RFTN1: variants seen among roughly 807,000 people sequenced by gnomAD.
RFTN1 encodes the protein raftlin.
RFTN1 carries 26 observed loss-of-function variants against 46.5 expected under a neutral mutation model. The observed-to-expected ratio is 0.56, with a 90% CI of 0.41 to 0.78. The LOEUF is 0.78. Ranked by LOEUF, RFTN1 falls within the 30% of genes least tolerant of loss-of-function variation. RFTN1 has a pLI of 0.00. For missense variants in RFTN1, 693 were observed against 718.7 expected (o/e 0.96, Z 0.41); for synonymous variants, 261 against 284.2 (o/e 0.92, Z 0.82).
intron 1 of RFTN1, among the ~76,000 whole-genome samples, chr3:16,496,709 G>A (rs1038046095): frequency 2.0e-5 from 3 of 152,098 alleles, no homozygotes; most frequent in Admixed American, 6.6e-5. Context: ...CCTGTGACCC[G>A]GAAATTCCTC....
In RFTN1 at chr3:16,342,620, A is replaced by G. The variant is rs1409023121; in HGVS notation, c.1146+15312T>C. Among the ~76,000 whole-genome samples, 1 of 152,002 alleles carries G rather than the reference A, an allele frequency of 6.6e-6. No individual in the cohort carries two copies. Among genetic ancestry groups the G allele is most frequent in the African/African-American group, 2.4e-5 (1 of 41,238 alleles). On this transcript the variant is annotated intron_variant, in intron 7 of 9. Coordinates refer to ENST00000334133, the MANE Select transcript of RFTN1 (RefSeq NM_015150.2). This position sits in a 1 kb window ranked among gnomAD's most constrained non-coding sequence, Gnocchi z 4.0. The stretch of plus-strand genomic sequence containing the variant: ...GTGTCCATGGATCACTTTTATAAAA[A>G]TAAAAAAAGTTATAAGAATGAAAGC...
chr3:16,447,484 A>G lies in RFTN1; in HGVS notation c.146-13447T>C, dbSNP rs1051692631. 6.6e-6 allele frequency among the ~76,000 whole-genome samples: 1 copy of G among 152,180 alleles called. No individual in the cohort carries two copies. Among genetic ancestry groups the G allele is most frequent in the Non-Finnish European group, 1.5e-5 (1 of 68,020 alleles). ...GCACTCTCTGGTCTATTTTTTGCCT[A>G]TGTAAGAGATGGCATTTAGGATGCC... On this transcript the variant is annotated intron_variant, in intron 2 of 9. Coordinates refer to ENST00000334133, the MANE Select transcript of RFTN1 (RefSeq NM_015150.2). This position sits in a 1 kb window ranked among gnomAD's most constrained non-coding sequence, Gnocchi z 5.9.
At chr3:16,493,260 C>T (rs2076570273) in intron 2 of RFTN1, among the ~76,000 whole-genome samples, 1 of 149,476 alleles carries the variant, frequency 6.7e-6, no homozygotes, top group Non-Finnish European at 1.5e-5. Flanking sequence ...GAGACAGAGT[C>T]TCGCTCTCTC....
intron 3 of RFTN1, among the ~76,000 whole-genome samples, chr3:16,415,872 T>C (rs1008994819): frequency 5.9e-5 from 9 of 152,146 alleles, no homozygotes; most frequent in African/African-American, 1.7e-4. Flanking sequence ...ATCCACCCTA[T>C]GCAAATAGGT....
At position 16,361,384 on chromosome 3, in the gene RFTN1, A is replaced by G. The variant is rs148405761; in HGVS notation, c.1031-3337T>C. On this transcript the variant is annotated intron_variant, in intron 6 of 9. Transcript: ENST00000334133. The surrounding 1 kb of genome is among the most constrained non-coding windows in gnomAD (Gnocchi z 4.3). ...TAAAGTCCCTGCCTACATGAAGCTT[A>G]CCTTGCAGTGGAGGAGGAAGACAAT... 1.6e-3 allele frequency among the ~76,000 whole-genome samples: 239 copies of G among 152,328 alleles called. No homozygotes were observed. Among genetic ancestry groups the G allele is most frequent in the Middle Eastern group, 0.01 (3 of 294 alleles).
chr3:16,364,677 A>T (rs142309169), intron 6 of RFTN1, among the ~76,000 whole-genome samples: 26 of 152,276 alleles, frequency 1.7e-4, no homozygotes, highest in Admixed American at 7.8e-4. Context: ...AATAAATAAA[A>T]ATATGCTTGT....
rs1192460529 is a variant in RFTN1, at chr3:16,507,212, G to A, written c.-9+6230C>T. Among the ~76,000 whole-genome samples the A allele has an allele frequency of 2.0e-5, 3 of 152,080 alleles. No individual in the cohort carries two copies. Among genetic ancestry groups the A allele is most frequent in the South Asian group, 4.2e-4 (2 of 4,818 alleles). On this transcript the variant is annotated intron_variant, in intron 1 of 9. Transcript: ENST00000334133. The surrounding 1 kb of genome is among the most constrained non-coding windows in gnomAD (Gnocchi z 7.1). ...AGAAAGAGCAGTATAAATATTAACCGTTTTAGTACTCTACTGGGATTACTT... is the reference window on the plus strand; with the variant it reads ...AGAAAGAGCAGTATAAATATTAACCATTTTAGTACTCTACTGGGATTACTT...
At chr3:16,494,140 A>G (rs111270588) in intron 1 of RFTN1, among the ~76,000 whole-genome samples, 14 of 152,320 alleles carry the variant, frequency 9.2e-5, no homozygotes, top group African/African-American at 3.4e-4. Flanking sequence ...CCTGTTTTAT[A>G]TCTTTTTTCC....
At chr3:16,417,353 C>A (rs902182373) in intron 3 of RFTN1, among the ~76,000 whole-genome samples, 1 of 152,084 alleles carries the variant, frequency 6.6e-6, no homozygotes, top group Non-Finnish European at 1.5e-5. Flanking sequence ...CACCTTATAT[C>A]TAGAACTTGG....
rs1436523961 is a variant in RFTN1, at chr3:16,341,163, C to T, written c.1147-14287G>A. ...CCAAAACACTGACAATACTTAATGC[C>T]GGTGAGGATGTGGAACAACAGCAAC... On this transcript the variant is annotated intron_variant, in intron 7 of 9. Transcript: ENST00000334133. This position sits in a 1 kb window ranked among gnomAD's most constrained non-coding sequence, Gnocchi z 4.7. Among the ~76,000 whole-genome samples, 1 of 152,144 alleles carries T rather than the reference C, an allele frequency of 6.6e-6. No individual in the cohort carries two copies. The highest frequency in any genetic ancestry group is 1.5e-5 in the Non-Finnish European group (1 of 68,034).
At position 16,429,087 on chromosome 3, in the gene RFTN1, A is replaced by G. The variant is rs926659673; in HGVS notation, c.332+4764T>C. On this transcript the variant is annotated intron_variant, in intron 3 of 9. Transcript: ENST00000334133. This position sits in a 1 kb window ranked among gnomAD's most constrained non-coding sequence, Gnocchi z 6.4. ...TCTTGAGTCAAAGTAACTTGAGTCA[A>G]AGTAACTGACTTGACTAAATTCAAT... 6.6e-6 allele frequency among the ~76,000 whole-genome samples: 1 copy of G among 152,250 alleles called. No homozygotes were observed. The highest frequency in any genetic ancestry group is 2.4e-5 in the African/African-American group (1 of 41,472).
chr3:16,352,709 G>A lies in RFTN1; in HGVS notation c.1146+5223C>T, dbSNP rs577493950. ...GCAGTATGTAGTGAGGGCTTACTAT[G>A]TGCCCAGTCCTACATTCACAACTTT... On this transcript the variant is annotated intron_variant, in intron 7 of 9. Transcript: ENST00000334133. This position sits in a 1 kb window ranked among gnomAD's most constrained non-coding sequence, Gnocchi z 4.6. Among the ~76,000 whole-genome samples the A allele has an allele frequency of 6.6e-6, 1 of 152,324 alleles. No homozygotes were observed. Among genetic ancestry groups the A allele is most frequent in the South Asian group, 2.1e-4 (1 of 4,828 alleles).
In RFTN1 at chr3:16,460,856, C is replaced by A. The variant is rs112847477; in HGVS notation, c.146-26819G>T. Among the ~76,000 whole-genome samples, 5,037 of 152,302 alleles carry A rather than the reference C, an allele frequency of 0.033. 130 individuals carry two copies. The highest frequency in any genetic ancestry group is 0.061 in the Middle Eastern group (18 of 294). ...TGGCCCACTCTCTCCCACCTACCCA[C>A]CCCAGAATTTCTTACCCTTCATAAG... On this transcript the variant is annotated intron_variant, in intron 2 of 9. Transcript: ENST00000334133. This position sits in a 1 kb window ranked among gnomAD's most constrained non-coding sequence, Gnocchi z 4.8.
At position 16,334,542 on chromosome 3, in the gene RFTN1, C is replaced by T. The variant is rs2070665420; in HGVS notation, c.1147-7666G>A. On this transcript the variant is annotated intron_variant, in intron 7 of 9. Coordinates refer to ENST00000334133, the MANE Select transcript of RFTN1 (RefSeq NM_015150.2). This position sits in a 1 kb window ranked among gnomAD's most constrained non-coding sequence, Gnocchi z 4.3. ...GATTTGTATTTAACATTATGTTTCA[C>T]CCAGACAACAGCTCAGAGAACTGGG... Among the ~76,000 whole-genome samples, 1 of 152,164 alleles carries T rather than the reference C, an allele frequency of 6.6e-6. No homozygotes were observed. Among genetic ancestry groups the T allele is most frequent in the Admixed American group, 6.5e-5 (1 of 15,278 alleles).
chr3:16,434,856 C>A (rs537942186), intron 2 of RFTN1: 78 of 152,038 alleles, frequency 5.1e-4, no homozygotes, highest in African/African-American at 1.5e-3. Context: ...AATTTTTAAA[C>A]GGGAAAAATA....
In RFTN1 at chr3:16,452,282, TAATAGCTGTCAAGGTA is replaced by T. The variant is rs913243711; in HGVS notation, c.146-18261_146-18246del. Among the ~76,000 whole-genome samples the T allele has an allele frequency of 2.0e-5, 3 of 151,644 alleles. No homozygotes were observed. Among genetic ancestry groups the T allele is most frequent in the African/African-American group, 4.8e-5 (2 of 41,262 alleles). The stretch of plus-strand genomic sequence containing the variant: ...ATTCTAAAGAAAACTAAAAAAAAAA[TAATAGCTGTCAAGGTA>T]GATGAAGGTAAGGATATAATAGAAG... On this transcript the variant is annotated intron_variant, in intron 2 of 9. Coordinates refer to ENST00000334133, the MANE Select transcript of RFTN1 (RefSeq NM_015150.2). The surrounding 1 kb of genome is among the most constrained non-coding windows in gnomAD (Gnocchi z 6.3).
intron 4 of RFTN1, among the ~76,000 whole-genome samples, chr3:16,390,682 C>T (rs1228724620): frequency 5.3e-5 from 8 of 152,196 alleles, no homozygotes. Context: ...GTCACAGAGA[C>T]TCCTGTGCTT....
At chr3:16,510,589 C>T (rs1367860400) in intron 1 of RFTN1, among the ~76,000 whole-genome samples, 1 of 152,206 alleles carries the variant, frequency 6.6e-6, no homozygotes, top group Non-Finnish European at 1.5e-5. Context: ...CCCAGAAGAA[C>T]ACTAGTCAAA....
chr3:16,472,264 A>C, intron 2 of RFTN1: 3 of 152,278 alleles, frequency 2.0e-5, no homozygotes, highest in Middle Eastern at 6.8e-3. Flanking sequence ...TTGGGATGGA[A>C]AGCCACTGAG....
Sources: gnomAD v4.1 joint callset for allele counts (sites outside exome capture counted in the v4.1 genomes callset) on GRCh38, gnomAD v4.1.1 for gene constraint, Gnocchi (gnomAD v3.1) non-coding constraint, MANE v1.5 for transcripts, NCBI Gene and HGNC (gene_info 2026-07-23, HGNC 2026-07-21) for gene names.